The following PLCL2 variants were observed in gnomAD, a reference collection of about 807,000 sequenced individuals.
The protein encoded by PLCL2 is inactive phospholipase C-like protein 2.
A neutral mutation model predicts 79.6 loss-of-function variants in PLCL2; 4 were observed. The observed-to-expected ratio is 0.05, with a 90% CI of 0.02 to 0.11. The LOEUF (loss-of-function observed/expected upper bound fraction) is 0.11, where lower values mean the gene tolerates loss of function less well. PLCL2 is among the 10% of genes least tolerant of loss of function. The pLI is 1.00. For synonymous variants in PLCL2, 484 were observed against 457.7 expected, an observed-to-expected ratio of 1.06 and a Z score of -0.73; for missense variants, 895 against 1,291.0, an observed-to-expected ratio of 0.69 and a Z score of 4.70.
intron 1 of PLCL2, among the ~76,000 whole-genome samples, chr3:16,942,576 G>T (rs1213120620): frequency 2.0e-5 from 3 of 152,164 alleles, no homozygotes; most frequent in Non-Finnish European, 4.4e-5. Context: ...TTCTGTCCTA[G>T]CAGGGAGCCA....
At chr3:17,016,762 A>T (rs1386229936) in intron 3 of PLCL2, among the ~76,000 whole-genome samples, 1 of 152,236 alleles carries the variant, frequency 6.6e-6, no homozygotes, top group African/African-American at 2.4e-5. Context: ...AAGCCAAAAA[A>T]GTATCTGATA....
intron 1 of PLCL2, among the ~76,000 whole-genome samples, chr3:16,993,464 AG>A (rs1296492274): frequency 6.6e-6 from 1 of 152,168 alleles, no homozygotes; most frequent in Non-Finnish European, 1.5e-5. Context: ...AACTTTAGTG[AG>A]TCAGTATAGA....
intron 3 of PLCL2, among the ~76,000 whole-genome samples, chr3:17,021,334 A>G (rs987828015): frequency 1.3e-5 from 2 of 152,114 alleles, no homozygotes; most frequent in Non-Finnish European, 2.9e-5. Flanking sequence ...CCATTTTGTA[A>G]TGGTTCAAGT....
At chr3:17,027,487 A>G (rs1429348385) in intron 3 of PLCL2, among the ~76,000 whole-genome samples, 1 of 152,182 alleles carries the variant, frequency 6.6e-6, no homozygotes, top group African/African-American at 2.4e-5. Flanking sequence ...CTAGCAGCCT[A>G]CAATGTTTAC....
At chr3:17,003,976 G>A (rs1370382284) in intron 1 of PLCL2, among the ~76,000 whole-genome samples, 1 of 152,106 alleles carries the variant, frequency 6.6e-6, no homozygotes, top group Non-Finnish European at 1.5e-5. Flanking sequence ...GATACACTGG[G>A]TCACACTTGG....
intron 5 of PLCL2, among the ~76,000 whole-genome samples, chr3:17,071,215 C>G (rs920829707): frequency 6.6e-6 from 1 of 152,208 alleles, no homozygotes; most frequent in African/African-American, 2.4e-5. Context: ...TCTGGGCAAA[C>G]TGGGACCATT....
intron 1 of PLCL2, among the ~76,000 whole-genome samples, chr3:16,963,197 G>A (rs190602728): frequency 1.3e-5 from 2 of 152,124 alleles, no homozygotes; most frequent in East Asian, 3.9e-4. Context: ...AAAGGGTATA[G>A]TGACCTAATA....
chr3:16,923,151 A>C (rs1175696778), intron 1 of PLCL2, among the ~76,000 whole-genome samples: 1 of 152,226 alleles, frequency 6.6e-6, no homozygotes, highest in East Asian at 1.9e-4. Flanking sequence ...AGAGTGACTC[A>C]GACTCTACAA....
chr3:17,002,739 A>G (rs998799640), intron 1 of PLCL2, among the ~76,000 whole-genome samples: 1 of 152,170 alleles, frequency 6.6e-6, no homozygotes, highest in African/African-American at 2.4e-5. Context: ...CGTATGTTAG[A>G]TAACAGCTCT....
intron 1 of PLCL2, among the ~76,000 whole-genome samples, chr3:16,946,953 C>CTT (rs1056023349): frequency 2.4e-4 from 23 of 95,396 alleles, no homozygotes; most frequent in Admixed American, 7.8e-4. Flanking sequence ...AAGTTTCATT[C>CTT]TTTTTTTTTT....
In PLCL2 at chr3:17,014,699, A is replaced by G. The variant is rs1172700083; in HGVS notation, c.2815-9A>G. On this transcript the variant is annotated splice_polypyrimidine_tract_variant and intron_variant, in intron 2 of 5. Transcript: ENST00000615277. ...TAATTACAAATGCTCCTTTCATTCC[A>G]TTTAACAGAATGCGGTGGTGTCATT... The G allele has an allele frequency of 1.9e-6, 3 of 1,607,312 alleles. No homozygotes were observed. The highest frequency in any genetic ancestry group is 1.7e-5 in the Admixed American group (1 of 60,004).
rs145525429 is a variant in PLCL2, at chr3:17,021,069, A to G, written c.3018+6158A>G. On this transcript the variant is annotated intron_variant, in intron 3 of 5. Coordinates refer to ENST00000615277, the MANE Select transcript of PLCL2 (RefSeq NM_001144382.2). ...CCTCAGTCATTAAAAGCTTCTTTTA[A>G]TTAGAGTTGTCGACACTACCAACTT... 1.7e-3 allele frequency among the ~76,000 whole-genome samples: 253 copies of G among 152,288 alleles called. 1 individual carries two copies. Among genetic ancestry groups the G allele is most frequent in the Middle Eastern group, 3.4e-3 (1 of 294 alleles).
chr3:16,922,969 G>C (rs955348603), intron 1 of PLCL2, among the ~76,000 whole-genome samples: 13 of 152,050 alleles, frequency 8.5e-5, no homozygotes, highest in African/African-American at 3.1e-4. Context: ...ATTCATTTGA[G>C]AAAACAATAA....
chr3:17,051,956 A>G (rs1008040599), intron 4 of PLCL2, among the ~76,000 whole-genome samples: 1 of 152,136 alleles, frequency 6.6e-6, no homozygotes. Context: ...CCAAGTCAGC[A>G]TGTAGATTAA....
chr3:17,027,212 A>G (rs1413968165), intron 3 of PLCL2, among the ~76,000 whole-genome samples: 1 of 152,362 alleles, frequency 6.6e-6, no homozygotes, highest in East Asian at 1.9e-4. Flanking sequence ...CAAGTGATGC[A>G]TCATGTAACA....
intron 1 of PLCL2, among the ~76,000 whole-genome samples, chr3:16,962,639 T>C (rs1164546826): frequency 6.6e-6 from 1 of 152,190 alleles, no homozygotes; most frequent in East Asian, 1.9e-4. Flanking sequence ...GTTAAAATTT[T>C]ATATGATGAA....
At chr3:17,057,830 C>T (rs1369083409) in intron 4 of PLCL2, among the ~76,000 whole-genome samples, 1 of 152,212 alleles carries the variant, frequency 6.6e-6, no homozygotes, top group African/African-American at 2.4e-5. Flanking sequence ...AAAGCCAGCA[C>T]TCAATAAATA....
rs149298571 is a variant in PLCL2, at chr3:17,086,218, A to T, written c.3205-3515A>T. 5.2e-4 allele frequency among the ~76,000 whole-genome samples: 79 copies of T among 152,364 alleles called. 1 individual carries two copies. The East Asian group carries it at 0.011, about 21-fold the overall frequency. ...ACTGCAAAGCTACAGGAAATAAAAC[A>T]GTGTGAAAAGAATAGACAAATAGAT... On this transcript the variant is annotated intron_variant, in intron 5 of 5. Transcript: ENST00000615277.
chr3:17,038,328 G>A (rs1161213883), intron 3 of PLCL2, among the ~76,000 whole-genome samples: 1 of 152,204 alleles, frequency 6.6e-6, no homozygotes, highest in Non-Finnish European at 1.5e-5. Context: ...GAGTTACTCA[G>A]GCTGGCAGCA....
Sources: allele counts gnomAD v4.1 joint callset (sites outside exome capture counted in the v4.1 genomes callset), GRCh38; gene constraint gnomAD v4.1.1; transcripts MANE v1.5; gene names NCBI Gene and HGNC (gene_info 2026-07-23, HGNC 2026-07-21).